Variants in PRKAA1 observed in about 807,000 individuals in gnomAD.
PRKAA1 encodes protein kinase AMP-activated catalytic subunit alpha 1, also known as 5'-AMP-activated protein kinase catalytic subunit alpha-1.
PRKAA1 carries 23 observed loss-of-function variants against 56.9 expected under a neutral mutation model. That is an observed-to-expected ratio of 0.40 (90% CI 0.29 to 0.57). The LOEUF is 0.57. Ranked by LOEUF, PRKAA1 falls within the 20% of genes least tolerant of loss-of-function variation. The pLI, the probability that PRKAA1 is intolerant of heterozygous loss-of-function variation, is 0.39. For missense variants in PRKAA1, 413 were observed against 679.7 expected (o/e 0.61, Z 4.36); for synonymous variants, 226 against 227.0 (o/e 1.00, Z 0.04).
chr5:40,795,606 G>A (rs1384237329), intron 1 of PRKAA1, among the ~76,000 whole-genome samples: 1 of 152,118 alleles, frequency 6.6e-6, no homozygotes, highest in African/African-American at 2.4e-5. Flanking sequence ...AGATATGCTG[G>A]CCTTCCCTGC....
At chr5:40,797,742 A>G (rs1579771250) in intron 1 of PRKAA1, among the ~76,000 whole-genome samples, 1 of 152,114 alleles carries the variant, frequency 6.6e-6, no homozygotes. Context: ...CCCAGCACCC[A>G]GAGCGCGCCG....
At chr5:40,781,071 T>G (rs1464248713) in intron 1 of PRKAA1, among the ~76,000 whole-genome samples, 1 of 152,186 alleles carries the variant, frequency 6.6e-6, no homozygotes. Context: ...GCAACTATCT[T>G]TCATACAACC....
In PRKAA1 at chr5:40,777,477, G is replaced by A; in HGVS notation, c.237C>T (p.Leu79=). The A allele has an allele frequency of 6.2e-7, 1 of 1,613,558 alleles. No homozygotes were observed. Among genetic ancestry groups the A allele is most frequent in the Non-Finnish European group, 8.5e-7 (1 of 1,179,480 alleles). ...VGKIRREIQN[L]KLFRHPHIIK... ...TTATATGAGGATGCCTGAAAAGCTT[G>A]AGGTTCTGAATTTCTCTGCGGATTT... Residue 79 remains leucine (L), a synonymous_variant, in exon 2 of 9, where the codon CTC becomes CTT. Coordinates refer to ENST00000397128, the MANE Select transcript of PRKAA1 (RefSeq NM_006251.6).
intron 1 of PRKAA1, among the ~76,000 whole-genome samples, chr5:40,786,051 T>G (rs1367125463): frequency 2.6e-5 from 4 of 152,048 alleles, no homozygotes; most frequent in Admixed American, 6.6e-5. Context: ...GGTCAGGAGT[T>G]CGAGACCAGC....
In PRKAA1 at chr5:40,765,205, T is replaced by C. The variant is rs199943027; in HGVS notation, c.855A>G (p.Lys285=). The C allele has an allele frequency of 1.7e-5, 28 of 1,613,636 alleles. No individual in the cohort carries two copies. Among genetic ancestry groups the C allele is most frequent in the African/African-American group, 4.0e-5 (3 of 74,922 alleles). ...ATGATGGATCCTCAGGAAAGAGATA[T>C]TTTGGAAGGTCCTGTTTAAACCATT... The part of the protein sequence containing the change: ...EHEWFKQDLP[K]YLFPEDPSYS... The change falls in exon 7 of 9, where the codon AAA becomes AAG. Residue 285 remains lysine (K), a synonymous_variant. Coordinates refer to ENST00000397128, the MANE Select transcript of PRKAA1 (RefSeq NM_006251.6).
At chr5:40,777,658 G>T in intron 1 of PRKAA1, 72 bp from the exon 2 acceptor site, 1 of 1,396,672 alleles carries the variant, frequency 7.2e-7, no homozygotes, top group Non-Finnish European at 9.7e-7. Flanking sequence ...TTCTGGCCCG[G>T]TGCAGTGGCT....
At chr5:40,778,412 G>GT (rs1463091728) in intron 1 of PRKAA1, among the ~76,000 whole-genome samples, 1 of 152,178 alleles carries the variant, frequency 6.6e-6, no homozygotes, top group Non-Finnish European at 1.5e-5. Flanking sequence ...TAAGAAATTG[G>GT]TAACAGTGGT....
chr5:40,786,248 C>G (rs1744477851), intron 1 of PRKAA1, among the ~76,000 whole-genome samples: 2 of 118,050 alleles, frequency 1.7e-5, no homozygotes, highest in East Asian at 7.0e-4. Context: ...GAGTGAGACT[C>G]CGTCTCAAAA....
chr5:40,768,377 C>T (rs1392164993), intron 5 of PRKAA1: 5 of 879,590 alleles, frequency 5.7e-6, no homozygotes, highest in Non-Finnish European at 6.8e-6. Context: ...TAGCCCATTG[C>T]ATATATGCAC....
intron 1 of PRKAA1, among the ~76,000 whole-genome samples, chr5:40,795,004 T>TAC (rs776449388): frequency 2.5e-3 from 341 of 137,588 alleles, no homozygotes; most frequent in South Asian, 4.6e-3. Context: ...TGTATACATA[T>TAC]ATATACACAC....
chr5:40,783,095 A>C (rs973779953), intron 1 of PRKAA1, among the ~76,000 whole-genome samples: 2 of 152,164 alleles, frequency 1.3e-5, no homozygotes, highest in Non-Finnish European at 1.5e-5. Flanking sequence ...CAAATTCATA[A>C]ACACACACAC....
intron 1 of PRKAA1, among the ~76,000 whole-genome samples, chr5:40,789,838 TG>T: frequency 6.6e-6 from 1 of 152,378 alleles, no homozygotes. Context: ...CTACTTGGCC[TG>T]ATTTGATCAG....
At position 40,767,549 on chromosome 5, in the gene PRKAA1, T is replaced by C. The variant is rs984175838; in HGVS notation, c.738A>G (p.Gln246=). The change falls in exon 6 of 9, where the codon CAA becomes CAG. Residue 246 remains glutamine (Q), a synonymous_variant. Transcript: ENST00000397128. ...KICDGIFYTP[Q]YLNPSVISLL... Reference sequence around the variant, plus strand: ...GGCTAATCACAGAAGGATTTAAATATTGAGGGGTATAGAAGATCCCATCAC... The same window carrying C: ...GGCTAATCACAGAAGGATTTAAATACTGAGGGGTATAGAAGATCCCATCAC... The C allele has an allele frequency of 6.2e-7, 1 of 1,613,782 alleles. No homozygotes were observed. Among genetic ancestry groups the C allele is most frequent in the Non-Finnish European group, 8.5e-7 (1 of 1,179,730 alleles).
At chr5:40,764,716 A>G (rs1561165948) in intron 7 of PRKAA1, 36 bp downstream of exon 7, 1 of 1,603,608 alleles carries the variant, frequency 6.2e-7, no homozygotes, top group Non-Finnish European at 8.5e-7. Flanking sequence ...GGGTTTGCCA[A>G]ATATGCTAAT....
Position 40,762,454 on chromosome 5 carries a change from T to C in PRKAA1, c.*324A>G, listed in dbSNP as rs1481927368. 4.3e-6 allele frequency: 1 copy of C among 232,146 alleles called. No homozygotes were observed. The highest frequency in any genetic ancestry group is 5.1e-5 in the Admixed American group (1 of 19,698). The allele number at this position is 232,146 out of a possible 1,614,324, so 14.4% of individuals were successfully genotyped here. ...GTAATATATAACACGTAATAATATATGAAGGCCTTTATGTAAATTAATATT... is the reference window on the plus strand; with the variant it reads ...GTAATATATAACACGTAATAATATACGAAGGCCTTTATGTAAATTAATATT... On this transcript the variant is annotated 3_prime_UTR_variant, in exon 9 of 9. Transcript: ENST00000397128.
In PRKAA1 at chr5:40,771,870, A is replaced by C. The variant is rs1743763060; in HGVS notation, c.364-7T>G. The C allele has an allele frequency of 6.2e-7, 1 of 1,608,216 alleles. No homozygotes were observed. The highest frequency in any genetic ancestry group is 8.5e-7 in the Non-Finnish European group (1 of 1,178,842). Reference sequence around the variant, plus strand: ...GACTTTCTTTTTCATCCAGCTAAGAAAAGTTAGAGAGGCTTTTTAAAGGTG... The same window carrying C: ...GACTTTCTTTTTCATCCAGCTAAGACAAGTTAGAGAGGCTTTTTAAAGGTG... On this transcript the variant is annotated splice_region_variant and splice_polypyrimidine_tract_variant and intron_variant, in intron 3 of 8. Coordinates refer to ENST00000397128, the MANE Select transcript of PRKAA1 (RefSeq NM_006251.6).
In PRKAA1 at chr5:40,771,688, G is replaced by T. The variant is rs187472875; in HGVS notation, c.508+31C>A. 4.4e-5 allele frequency: 70 copies of T among 1,577,196 alleles called. No individual in the cohort carries two copies. In the East Asian group the frequency reaches 1.5e-3, roughly 33 times the overall value. ...TTGAAACTATAAGAACATTAGAAAT[G>T]AACGTTAAGAAACTATAAAATTATC... On this transcript the variant is annotated intron_variant, in intron 4 of 8. Coordinates refer to ENST00000397128, the MANE Select transcript of PRKAA1 (RefSeq NM_006251.6).
intron 3 of PRKAA1, among the ~76,000 whole-genome samples, chr5:40,772,420 A>G (rs1482217008): frequency 6.6e-6 from 1 of 151,878 alleles, no homozygotes; most frequent in Non-Finnish European, 1.5e-5. Flanking sequence ...ATTTTAGACC[A>G]TGAGGAAGTA....
Position 40,762,493 on chromosome 5 carries a change from T to A in PRKAA1, c.*285A>T, listed in dbSNP as rs934552686. The A allele has an allele frequency of 1.2e-5, 4 of 336,794 alleles. No individual in the cohort carries two copies. Among genetic ancestry groups the A allele is most frequent in the Non-Finnish European group, 2.2e-5 (4 of 179,630 alleles). 20.9% of individuals were successfully genotyped at this position (336,794 alleles called of 1,614,324 possible). A position where few individuals can be genotyped will look rare whatever the true frequency, so the allele number is the denominator to read the frequency against. On this transcript the variant is annotated 3_prime_UTR_variant, in exon 9 of 9. Transcript: ENST00000397128. ...TAAATTAATATTTCAAAGCCCTGTGTACACTAAATATAAAATAGCCAAAAA... is the reference window on the plus strand; with the variant it reads ...TAAATTAATATTTCAAAGCCCTGTGAACACTAAATATAAAATAGCCAAAAA...
Sources: gnomAD v4.1 joint callset for allele counts (sites outside exome capture counted in the v4.1 genomes callset) on GRCh38, gnomAD v4.1.1 for gene constraint, MANE v1.5 for transcripts, NCBI Gene and HGNC (gene_info 2026-07-23, HGNC 2026-07-21) for gene names.